SLC26A5: variants seen among roughly 807,000 people sequenced by gnomAD.
The protein encoded by SLC26A5 is solute carrier family 26 member 5.
A neutral mutation model predicts 81.0 loss-of-function variants in SLC26A5; 51 were observed. The ratio of observed to expected loss-of-function variants is 0.63; its 90% CI spans 0.50 to 0.80. The LOEUF (loss-of-function observed/expected upper bound fraction) is 0.80. Ranked by LOEUF, SLC26A5 falls within the 30% of genes least tolerant of loss-of-function variation. The pLI is 0.00. For missense variants in SLC26A5, 771 were observed against 905.8 expected (o/e 0.85, Z 1.91); for synonymous variants, 325 against 332.8 (o/e 0.98, Z 0.25).
At position 103,421,430 on chromosome 7, in the gene SLC26A5, G is replaced by T. The variant is rs1221333934; in HGVS notation, c.85C>A (p.Gln29Lys). The change falls in exon 3 of 20, where the codon CAG becomes AAG. Residue 29 changes from glutamine (Q) to lysine (K), a missense_variant. Coordinates refer to ENST00000306312, the MANE Select transcript of SLC26A5 (RefSeq NM_198999.3). ...TTGTCCTTTGTGTGTAGTCTTTCCT[G>T]GAGGACCGGATGACTAAAGATAGGC... ...ERPIFSHPVL[Q>K]ERLHTKDKVP... 1 of 1,613,886 alleles carries T rather than the reference G, an allele frequency of 6.2e-7. No individual in the cohort carries two copies. Among genetic ancestry groups the T allele is most frequent in the Non-Finnish European group, 8.5e-7 (1 of 1,179,920 alleles).
At chr7:103,357,487 G>C (rs535993061) in intron 19 of SLC26A5, among the ~76,000 whole-genome samples, 1 of 152,010 alleles carries the variant, frequency 6.6e-6, no homozygotes, top group Non-Finnish European at 1.5e-5. Flanking sequence ...GTGTATTATA[G>C]ATTCCTACTT....
intron 8 of SLC26A5, among the ~76,000 whole-genome samples, chr7:103,405,676 C>T (rs965768997): frequency 6.6e-6 from 1 of 152,202 alleles, no homozygotes; most frequent in African/African-American, 2.4e-5. Context: ...CTTGAGAAGG[C>T]AGTCTGACCC....
In SLC26A5 at chr7:103,411,479, T is replaced by G; in HGVS notation, c.511A>C (p.Arg171=). 1 of 1,614,112 alleles carries G rather than the reference T, an allele frequency of 6.2e-7. No individual in the cohort carries two copies. The highest frequency in any genetic ancestry group is 8.5e-7 in the Non-Finnish European group (1 of 1,179,906). ...GVNATNGTEA[R]DALRVKVAMS... Reference sequence around the variant, plus strand: ...GCGACTTTCACTCTCAAGGCATCTCTGGCCTCTGTGCCATTGGTTGCATTT... The same window carrying G: ...GCGACTTTCACTCTCAAGGCATCTCGGGCCTCTGTGCCATTGGTTGCATTT... The change falls in exon 6 of 20, where the codon AGA becomes CGA. Residue 171 remains arginine (R), a synonymous_variant. Transcript: ENST00000306312.
chr7:103,407,715 C>T, intron 8 of SLC26A5, 136 bp downstream of exon 8: 1 of 982,886 alleles, frequency 1.0e-6, no homozygotes, highest in South Asian at 1.6e-5. Flanking sequence ...ATGAATTTGT[C>T]AAATTTGACA....
chr7:103,403,458 T>C (rs1265105961), intron 8 of SLC26A5, among the ~76,000 whole-genome samples: 1 of 152,186 alleles, frequency 6.6e-6, no homozygotes, highest in African/African-American at 2.4e-5. Flanking sequence ...CTGTCTCATA[T>C]TGACAGTGGG....
intron 15 of SLC26A5, 78 bp downstream of exon 15, chr7:103,380,402 T>C: frequency 8.1e-7 from 1 of 1,240,498 alleles, no homozygotes; most frequent in Admixed American, 1.7e-5. Context: ...CCCCTACTTT[T>C]TATCCTGGGT....
At chr7:103,389,979 G>T (rs1822516475) in intron 12 of SLC26A5, among the ~76,000 whole-genome samples, 1 of 152,100 alleles carries the variant, frequency 6.6e-6, no homozygotes, top group African/African-American at 2.4e-5. Context: ...AAGAGGTTCA[G>T]AATTAAACTT....
At chr7:103,392,083 T>G (rs1376091970) in intron 10 of SLC26A5, among the ~76,000 whole-genome samples, 1 of 152,230 alleles carries the variant, frequency 6.6e-6, no homozygotes, top group Non-Finnish European at 1.5e-5. Flanking sequence ...TATAGGACTC[T>G]TGGCATCTTT....
At chr7:103,389,500 C>A in intron 12 of SLC26A5, 76 bp from the exon 13 acceptor site, 1 of 1,047,928 alleles carries the variant, frequency 9.5e-7, no homozygotes, top group Admixed American at 1.8e-5. Context: ...CACTGTCCTC[C>A]TGCTGTCCTC....
chr7:103,365,125 A>G (rs573408769), intron 19 of SLC26A5, among the ~76,000 whole-genome samples: 110 of 151,914 alleles, frequency 7.2e-4, no homozygotes, highest in African/African-American at 2.4e-3. Flanking sequence ...GTCAAATTCA[A>G]TGATCAGGAA....
Position 103,420,831 on chromosome 7 carries a change from T to C in SLC26A5, c.199A>G (p.Ile67Val), listed in dbSNP as rs61997196. ...IRNIIYMFLP[I>V]TKWLPAYKFK... ...TTGTATGCTGGCAGCCATTTAGTTA[T>C]GGGTAGGAACATATAAATGATATTT... is the stretch of plus-strand genomic sequence containing the variant. The change falls in exon 4 of 20, where the codon ATA becomes GTA. Residue 67 changes from isoleucine to valine, a missense_variant. Transcript: ENST00000306312. 23 of 1,613,618 alleles carry C rather than the reference T, an allele frequency of 1.4e-5. No individual in the cohort carries two copies. The highest frequency in any genetic ancestry group is 1.9e-5 in the Non-Finnish European group (23 of 1,179,528).
At chr7:103,422,330 G>A (rs749262278) in intron 2 of SLC26A5, among the ~76,000 whole-genome samples, 1 of 152,068 alleles carries the variant, frequency 6.6e-6, no homozygotes, top group Non-Finnish European at 1.5e-5. Context: ...ATACATTTTG[G>A]TATATTCATA....
chr7:103,410,602 G>T, intron 6 of SLC26A5, 53 bp from the exon 7 acceptor site: 2 of 1,477,962 alleles, frequency 1.4e-6, no homozygotes, highest in Non-Finnish European at 1.9e-6. Flanking sequence ...AGGTCAGGAA[G>T]TTATGACCCA....
At chr7:103,441,730 C>G (rs1482217245) in intron 2 of SLC26A5, among the ~76,000 whole-genome samples, 2 of 152,198 alleles carry the variant, frequency 1.3e-5, no homozygotes, top group Non-Finnish European at 2.9e-5. Context: ...CCTTTAGGAA[C>G]AGCTGATCAT....
At chr7:103,354,076 A>G in intron 19 of SLC26A5, 8 of 751,342 alleles carry the variant, frequency 1.1e-5, no homozygotes, top group Non-Finnish European at 1.7e-5. Flanking sequence ...AAAAAACCAA[A>G]CAAAAAATAA....
intron 10 of SLC26A5, 37 bp downstream of exon 10, chr7:103,392,882 T>A (rs552773680): frequency 6.2e-7 from 1 of 1,613,210 alleles, no homozygotes; most frequent in African/African-American, 1.3e-5. Context: ...GTGATTGTAC[T>A]GCTATGAAAC....
intron 4 of SLC26A5, among the ~76,000 whole-genome samples, chr7:103,416,514 G>A (rs1180440796): frequency 6.6e-6 from 1 of 152,208 alleles, no homozygotes; most frequent in Non-Finnish European, 1.5e-5. Flanking sequence ...ACTGCATCGT[G>A]TAAATGTGGG....
At chr7:103,444,105 AAAG>A (rs1288861263) in intron 1 of SLC26A5, among the ~76,000 whole-genome samples, 3 of 152,222 alleles carry the variant, frequency 2.0e-5, no homozygotes, top group African/African-American at 7.2e-5. Flanking sequence ...CTAGTCTTCA[AAAG>A]AAGGATTAAA....
At chr7:103,428,861 C>A (rs1447009410) in intron 2 of SLC26A5, among the ~76,000 whole-genome samples, 2 of 152,148 alleles carry the variant, frequency 1.3e-5, no homozygotes, top group Non-Finnish European at 2.9e-5. Flanking sequence ...AACCCCTGTG[C>A]CTGGCCTGTT....
Sources: gnomAD v4.1 joint callset for allele counts (sites outside exome capture counted in the v4.1 genomes callset) on GRCh38, gnomAD v4.1.1 for gene constraint, MANE v1.5 for transcripts, NCBI Gene and HGNC (gene_info 2026-07-23, HGNC 2026-07-21) for gene names.